The following CHIT1 variants were observed in gnomAD, a reference collection of about 807,000 sequenced individuals.
CHIT1 encodes chitotriosidase-1.
A neutral mutation model predicts 52.0 loss-of-function variants in CHIT1; 47 were observed. The observed-to-expected ratio is 0.90, with a 90% CI of 0.71 to 1.15. The LOEUF (loss-of-function observed/expected upper bound fraction) is 1.15, where lower values mean the gene tolerates loss of function less well. Ranked by LOEUF, CHIT1 falls within the 50% of genes most tolerant of loss-of-function variation. CHIT1 has a pLI of 0.00. For synonymous variants in CHIT1, 242 were observed against 228.2 expected, an observed-to-expected ratio of 1.06 and a Z score of -0.54; for missense variants, 569 against 583.0, an observed-to-expected ratio of 0.98 and a Z score of 0.25.
rs778174244 is a variant in CHIT1, at chr1:203,217,036, C to T, written c.1254G>A (p.Thr418=). 8 of 1,614,008 alleles carry T rather than the reference C, an allele frequency of 5.0e-6. No individual in the cohort carries two copies. Among genetic ancestry groups the T allele is most frequent in the South Asian group, 4.4e-5 (4 of 91,094 alleles). Residue 418 remains threonine (T), a synonymous_variant, in exon 11 of 11, where the codon ACG becomes ACA. Transcript: ENST00000367229. ...PEHGPSPGQD[T]FCQGKADGLY... ...GCCCATCAGCTTTGCCCTGGCAGAA[C>T]GTGTCTTGTCCAGGGCTGGGGCCAT...
intron 1 of CHIT1, 44 bp downstream of exon 1, chr1:203,229,568 C>T: frequency 1.2e-6 from 2 of 1,611,486 alleles, no homozygotes; most frequent in African/African-American, 1.3e-5. Context: ...ACATCCCCAC[C>T]TCCCCACAGC....
chr1:203,225,117 G>T lies in CHIT1; in HGVS notation c.258-13C>A. 6.2e-7 allele frequency: 1 copy of T among 1,613,686 alleles called. No homozygotes were observed. The highest frequency in any genetic ancestry group is 2.2e-5 in the East Asian group (1 of 44,854). On this transcript the variant is annotated splice_polypyrimidine_tract_variant and intron_variant, in intron 3 of 10. Transcript: ENST00000367229. ...CAGCTTGGGATTCCTGGGAAAGACA[G>T]GAGACACAGCAGGATTTACTCTGCC... is the stretch of plus-strand genomic sequence containing the variant.
chr1:203,229,867 A>C (rs1657072381), upstream of CHIT1: 1 of 607,556 alleles, frequency 1.6e-6, no homozygotes, highest in African/African-American at 1.8e-5. Context: ...TCAGAGGGTG[A>C]CTCTTAGTGT....
intron 8 of CHIT1, 73 bp downstream of exon 8, chr1:203,219,591 G>C: frequency 1.3e-6 from 2 of 1,545,652 alleles, no homozygotes; most frequent in Non-Finnish European, 1.8e-6. Context: ...GAAACGGTGG[G>C]AGAAGGAAAC....
Position 203,218,092 on chromosome 1 carries a change from C to A in CHIT1, c.1030-227G>T, listed in dbSNP as rs984414771. ...CTCCTTGTCTTAACGTAAGCATGACCTGGGGTGGGGTGGGTGCAGTCGGGA... is the reference window on the plus strand; with the variant it reads ...CTCCTTGTCTTAACGTAAGCATGACATGGGGTGGGGTGGGTGCAGTCGGGA... On this transcript the variant is annotated intron_variant, in intron 9 of 10. Coordinates refer to ENST00000367229, the MANE Select transcript of CHIT1 (RefSeq NM_003465.3). 4.7e-6 allele frequency: 7 copies of A among 1,497,420 alleles called. No homozygotes were observed. In the African/African-American group the frequency reaches 9.7e-5, roughly 21 times the overall value. 92.8% of individuals were successfully genotyped at this position (1,497,420 alleles called of 1,614,324 possible). A position where few individuals can be genotyped will look rare whatever the true frequency, so the allele number is the denominator to read the frequency against.
chr1:203,225,504 T>C (rs1656893912), intron 3 of CHIT1, among the ~76,000 whole-genome samples, 165 bp downstream of exon 3: 1 of 152,134 alleles, frequency 6.6e-6, no homozygotes, highest in African/African-American at 2.4e-5. Flanking sequence ...AAACCCTACC[T>C]CTTTCATTAA....
rs1319448637 is a variant in CHIT1 at position 203,229,609 on chromosome 1, C to T, written c.25+3G>A. 8.1e-6 allele frequency: 13 copies of T among 1,613,974 alleles called. No individual in the cohort carries two copies. The highest frequency in any genetic ancestry group is 6.7e-5 in the African/African-American group (5 of 74,932). ...AGACCCAGCCCACTATCCGACGGCT[C>T]ACCTGCCCAGGCCACAGACCGCACC... On this transcript the variant is annotated splice_donor_region_variant and intron_variant, in intron 1 of 10. Transcript: ENST00000367229.
chr1:203,217,703 C>T (rs371800652), intron 10 of CHIT1, 36 bp downstream of exon 10: 8 of 1,613,828 alleles, frequency 5.0e-6, no homozygotes, highest in South Asian at 1.1e-5. Flanking sequence ...TACCCCACCT[C>T]CAAATTCCAC....
intron 3 of CHIT1, 47 bp from the exon 4 acceptor site, chr1:203,225,151 G>A (rs760610036): frequency 6.3e-7 from 1 of 1,585,264 alleles, no homozygotes; most frequent in Admixed American, 1.7e-5. Context: ...CCAGCTCCCA[G>A]GGCACCCTGG....
intron 2 of CHIT1, 84 bp from the exon 3 acceptor site, chr1:203,225,954 TCCTTGGACCTC>T: frequency 7.2e-7 from 1 of 1,391,308 alleles, no homozygotes; most frequent in East Asian, 2.4e-5. Flanking sequence ...GTAGGCAATG[TCCTTGGACCTC>T]CCTCTTCTAC....
chr1:203,222,205 GT>G lies in CHIT1; in HGVS notation c.725del (p.Asn242ThrfsTer19), dbSNP rs775953894. 1 of 1,614,028 alleles carries G rather than the reference GT, an allele frequency of 6.2e-7. No homozygotes were observed. The highest frequency in any genetic ancestry group is 8.5e-7 in the Non-Finnish European group (1 of 1,180,040). On this transcript the variant is annotated frameshift_variant, in exon 7 of 11. Transcript: ENST00000367229. LOFTEE classifies it high-confidence loss of function. ...QEESGAAASL[N>X]VDAAVQQWLQ... is the part of the protein sequence containing the mutation. ...TCAGCCCTCCTGCCACACGTACCAC[GT>G]TGAGGCTGGCTGCTGCACCACTCTC...
chr1:203,229,641 C>T lies in CHIT1; in HGVS notation c.-5G>A. 1 of 1,614,088 alleles carries T rather than the reference C, an allele frequency of 6.2e-7. No homozygotes were observed. The highest frequency in any genetic ancestry group is 8.5e-7 in the Non-Finnish European group (1 of 1,179,986). On this transcript the variant is annotated 5_prime_UTR_variant, in exon 1 of 11. Coordinates refer to ENST00000367229, the MANE Select transcript of CHIT1 (RefSeq NM_003465.3). Reference sequence around the variant, plus strand: ...CCAGGCCACAGACCGCACCATGATGCAGCTCAGCGGCAGGCTGCAGCCCAT... The same window carrying T: ...CCAGGCCACAGACCGCACCATGATGTAGCTCAGCGGCAGGCTGCAGCCCAT...
chr1:203,223,365 G>A, intron 5 of CHIT1, 106 bp from the exon 6 acceptor site: 1 of 1,605,140 alleles, frequency 6.2e-7, no homozygotes, highest in Non-Finnish European at 8.5e-7. Flanking sequence ...GCTGGCCACA[G>A]GGCTGATCTG....
chr1:203,216,355 A>G lies in CHIT1; in HGVS notation c.*534T>C. 1 of 454,014 alleles carries G rather than the reference A, an allele frequency of 2.2e-6. No individual in the cohort carries two copies. The highest frequency in any genetic ancestry group is 4.4e-6 in the Non-Finnish European group (1 of 226,794). The allele number at this position is 454,014 out of a possible 1,614,324, so 28.1% of individuals were successfully genotyped here. On this transcript the variant is annotated 3_prime_UTR_variant, in exon 11 of 11. Transcript: ENST00000367229. ...TGAGTGGCTGCTCGCAGAGCGCTTA[A>G]ATCAGGGAAAAGTTCTTCTCTGCTG...
rs182595954 is a variant in CHIT1 at position 203,224,326 on chromosome 1, G to T, written c.315-666C>A. Among the ~76,000 whole-genome samples, 135 of 152,286 alleles carry T rather than the reference G, an allele frequency of 8.9e-4. 1 individual carries two copies. Among genetic ancestry groups the T allele is most frequent in the African/African-American group, 3.2e-3 (134 of 41,558 alleles). ...TTGAGGGGGTCTCAAGTTCTTTACA[G>T]ATTGATCCTATTTTATTTTTATTAA... On this transcript the variant is annotated intron_variant, in intron 4 of 10. Transcript: ENST00000367229.
intron 2 of CHIT1, among the ~76,000 whole-genome samples, chr1:203,227,799 A>G (rs1656979024): frequency 6.6e-6 from 1 of 152,118 alleles, no homozygotes; most frequent in African/African-American, 2.4e-5. Flanking sequence ...CATCTTCCCC[A>G]TGTTTGCTGT....
intron 7 of CHIT1, 34 bp from the exon 8 acceptor site, chr1:203,219,883 C>G: frequency 3.1e-6 from 5 of 1,609,948 alleles, no homozygotes; most frequent in Non-Finnish European, 3.4e-6. Flanking sequence ...TTTTCTCAGC[C>G]CTCAGCCTGG....
chr1:203,220,231 T>A (rs997025150), intron 7 of CHIT1, among the ~76,000 whole-genome samples: 1 of 152,146 alleles, frequency 6.6e-6, no homozygotes, highest in African/African-American at 2.4e-5. Context: ...TGGTGTTCTG[T>A]CTGTAACATG....
chr1:203,225,471 G>A (rs1656892675), intron 3 of CHIT1, among the ~76,000 whole-genome samples, 198 bp downstream of exon 3: 1 of 152,132 alleles, frequency 6.6e-6, no homozygotes, highest in Non-Finnish European at 1.5e-5. Flanking sequence ...TAAACTGGAA[G>A]GGACCTTTGG....
Sources: allele counts gnomAD v4.1 joint callset (sites outside exome capture counted in the v4.1 genomes callset), GRCh38; gene constraint gnomAD v4.1.1; transcripts MANE v1.5; gene names NCBI Gene and HGNC (gene_info 2026-07-23, HGNC 2026-07-21).